The following GRIN2C variants were observed in gnomAD, a reference collection of about 807,000 sequenced individuals.
GRIN2C encodes the protein glutamate receptor ionotropic, NMDA 2C.
GRIN2C carries 64 observed loss-of-function variants against 77.7 expected under a neutral mutation model. The ratio of observed to expected loss-of-function variants is 0.82; its 90% confidence interval spans 0.67 to 1.01. The LOEUF (loss-of-function observed/expected upper bound fraction) is 1.01. Among genes scored for constraint, GRIN2C ranks in the 50% least tolerant of loss-of-function variants. GRIN2C has a pLI of 0.00. For synonymous variants in GRIN2C, 792 were observed against 643.4 expected, an observed-to-expected ratio of 1.23 and a Z score of -3.49; for missense variants, 1,549 against 1,486.0, an observed-to-expected ratio of 1.04 and a Z score of -0.70.
At chr17:74,860,834 C>A, upstream of GRIN2C, 1 of 275,458 alleles carries the variant, frequency 3.6e-6, no homozygotes, top group South Asian at 3.3e-5. Context: ...GGGGAAGAAG[C>A]GGGACTCGCG....
rs1333691299 is a variant in GRIN2C at position 74,852,052 on chromosome 17, T to C, written c.959A>G (p.His320Arg). The part of the protein sequence containing the change: ...LPAPAGDCRV[H>R]PGPVSPAREA... ...CCGGGCAGGGCTGACGGGCCCAGGG[T>C]GAACACGGCAGTCCCCGGCCGGGGC... Residue 320 changes from histidine (H) to arginine (R), a missense_variant, in exon 3 of 13, where the codon CAC becomes CGC. Coordinates refer to ENST00000293190, the MANE Select transcript of GRIN2C (RefSeq NM_000835.6). 2 of 1,460,594 alleles carry C rather than the reference T, an allele frequency of 1.4e-6. No individual in the cohort carries two copies. The highest frequency in any genetic ancestry group is 1.8e-6 in the Non-Finnish European group (2 of 1,105,150). The allele number at this position is 1,460,594 out of a possible 1,614,324, so 90.5% of individuals were successfully genotyped here.
At position 74,850,619 on chromosome 17, in the gene GRIN2C, G is replaced by T. The variant is rs1439752931; in HGVS notation, c.1262C>A (p.Pro421His). The T allele has an allele frequency of 6.2e-7, 1 of 1,613,688 alleles. No individual in the cohort carries two copies. The highest frequency in any genetic ancestry group is 1.1e-5 in the South Asian group (1 of 91,090). ...GTTGGGGACACAGCCTCCTGTGCCA[G>T]GGTCAGGGCTCTCCACGATGACAAA... ...RPFVIVESPD[P>H]GTGGCVPNTV... Residue 421 changes from proline to histidine, a missense_variant, in exon 5 of 13, where the codon CCT (proline) becomes CAT (histidine). By Grantham distance (77) the Pro-to-His change is moderately conservative. Transcript: ENST00000293190. The surrounding 1 kb of genome is among the most constrained non-coding windows in gnomAD (Gnocchi z 5.3).
rs2037589382 is a variant in GRIN2C at position 74,850,151 on chromosome 17, C to CT, written c.1491+54dup. On this transcript the variant is annotated intron_variant, in intron 6 of 12. Transcript: ENST00000293190. The surrounding 1 kb of genome is among the most constrained non-coding windows in gnomAD (Gnocchi z 5.3). ...AGGGCATCTGAGAGCCACATGGGGC[C>CT]TGGGCAGCAGGTGGGCAGGCAGGGC... 28 of 1,589,262 alleles carry CT rather than the reference C, an allele frequency of 1.8e-5. No individual in the cohort carries two copies. The South Asian group carries it at 3.0e-4, about 17-fold the overall frequency.
Position 74,847,565 on chromosome 17 carries a change from G to T in GRIN2C, c.1772-28C>A. On this transcript the variant is annotated intron_variant, in intron 8 of 12. Transcript: ENST00000293190. The surrounding 1 kb of genome is among the most constrained non-coding windows in gnomAD (Gnocchi z 5.2). ...GGGGGCAAGAGGCGGGGGGATGCTGGAGCTCCTCCTGCCCACCATGAAAGG... is the reference window on the plus strand; with the variant it reads ...GGGGGCAAGAGGCGGGGGGATGCTGTAGCTCCTCCTGCCCACCATGAAAGG... 6.7e-7 allele frequency: 1 copy of T among 1,492,472 alleles called. No individual in the cohort carries two copies. The allele number at this position is 1,492,472 out of a possible 1,614,324, so 92.5% of individuals were successfully genotyped here.
At position 74,846,356 on chromosome 17, in the gene GRIN2C, C is replaced by T. The variant is rs558215192; in HGVS notation, c.2163-103G>A. On this transcript the variant is annotated intron_variant, in intron 10 of 12. Coordinates refer to ENST00000293190, the MANE Select transcript of GRIN2C (RefSeq NM_000835.6). The surrounding 1 kb of genome is among the most constrained non-coding windows in gnomAD (Gnocchi z 4.4). The stretch of plus-strand genomic sequence containing the variant: ...CTAAACCACATGAGCCTGCTGGGCA[C>T]CCCCGGGAGGGACCAATGGGCAGAG... 2.1e-5 allele frequency: 21 copies of T among 985,424 alleles called. No individual in the cohort carries two copies. The highest frequency in any genetic ancestry group is 2.2e-5 in the Non-Finnish European group (14 of 647,352). The allele number at this position is 985,424 out of a possible 1,614,324, so 61.0% of individuals were successfully genotyped here. A position where few individuals can be genotyped will look rare whatever the true frequency, so the allele number is the denominator to read the frequency against.
Position 74,843,016 on chromosome 17 carries a change from G to A in GRIN2C, c.3121C>T (p.Pro1041Ser). 2.0e-6 allele frequency: 1 copy of A among 501,224 alleles called. No individual in the cohort carries two copies. Among genetic ancestry groups the A allele is most frequent in the Non-Finnish European group, 3.6e-6 (1 of 281,676 alleles). The allele number at this position is 501,224 out of a possible 1,614,324, so 31.0% of individuals were successfully genotyped here. ...SFPRADRSGR[P>S]FLPLFPELED... is the part of the protein sequence containing the mutation. ...AGCTCCGGGAAGAGCGGGAGGAAGGGGCGGCCGGATCGGTCGGCTCGAGGA... is the reference window on the plus strand; with the variant it reads ...AGCTCCGGGAAGAGCGGGAGGAAGGAGCGGCCGGATCGGTCGGCTCGAGGA... Residue 1041 changes from proline (P) to serine (S), a missense_variant, in exon 13 of 13, where the codon CCC becomes TCC. Around this residue, in one of 3 missense-constraint regions of GRIN2C, gnomAD observed 450 missense variants for 267.9 expected, o/e 1.68. Coordinates refer to ENST00000293190, the MANE Select transcript of GRIN2C (RefSeq NM_000835.6).
chr17:74,847,843 A>C lies in GRIN2C; in HGVS notation c.1771+9T>G. ...CCCACCCCTCCTGCCGGGCCCAGGCAAGGCTTACTCTTGCCTCTGGTGAGG... is the reference window on the plus strand; with the variant it reads ...CCCACCCCTCCTGCCGGGCCCAGGCCAGGCTTACTCTTGCCTCTGGTGAGG... On this transcript the variant is annotated intron_variant, in intron 8 of 12. Coordinates refer to ENST00000293190, the MANE Select transcript of GRIN2C (RefSeq NM_000835.6). The surrounding 1 kb of genome is among the most constrained non-coding windows in gnomAD (Gnocchi z 5.2). 2 of 1,613,968 alleles carry C rather than the reference A, an allele frequency of 1.2e-6. No homozygotes were observed. Among genetic ancestry groups the C allele is most frequent in the Non-Finnish European group, 1.7e-6 (2 of 1,179,942 alleles).
chr17:74,849,672 C>T lies in GRIN2C; in HGVS notation c.1645+108G>A. On this transcript the variant is annotated intron_variant, in intron 7 of 12. Coordinates refer to ENST00000293190, the MANE Select transcript of GRIN2C (RefSeq NM_000835.6). The surrounding 1 kb of genome is among the most constrained non-coding windows in gnomAD (Gnocchi z 4.6). The stretch of plus-strand genomic sequence containing the variant: ...ACCTCCAAGACCCAAGGCTGCTGTG[C>T]TTGGCCTGTGAGAGCCCACCCAACT... 1 of 1,022,434 alleles carries T rather than the reference C, an allele frequency of 9.8e-7. No individual in the cohort carries two copies. The highest frequency in any genetic ancestry group is 1.4e-6 in the Non-Finnish European group (1 of 691,588). 63.3% of individuals were successfully genotyped at this position (1,022,434 alleles called of 1,614,324 possible).
At position 74,842,990 on chromosome 17, in the gene GRIN2C, C is replaced by A; in HGVS notation, c.3147G>T (p.Leu1049=). ...CCGGACCGAGCAGCGGCAGGTCCTC[C>A]AGCTCCGGGAAGAGCGGGAGGAAGG... is the stretch of plus-strand genomic sequence containing the variant. ...GRPFLPLFPE[L]EDLPLLGPEQ... is the part of the protein sequence containing the mutation. Residue 1049 remains leucine (L), a synonymous_variant, in exon 13 of 13, where the codon CTG becomes CTT. Coordinates refer to ENST00000293190, the MANE Select transcript of GRIN2C (RefSeq NM_000835.6). 6.9e-6 allele frequency: 2 copies of A among 291,400 alleles called. No individual in the cohort carries two copies. Among genetic ancestry groups the A allele is most frequent in the Non-Finnish European group, 6.0e-6 (1 of 166,370 alleles). The allele number at this position is 291,400 out of a possible 1,614,324, so 18.1% of individuals were successfully genotyped here.
Position 74,850,570 on chromosome 17 carries a change from G to T in GRIN2C, c.1311C>A (p.Ser437Arg), listed in dbSNP as rs770902141. The stretch of plus-strand genomic sequence containing the variant: ...CCTCCACAGACCTGAAGGTGTGGTT[G>T]CTCTGCCTGCGGCAGGGCACGGTGT... ...VPNTVPCRRQ[S>R]NHTFSSGDVA... is the part of the protein sequence containing the mutation. The change falls in exon 5 of 13, where the codon AGC (serine) becomes AGA (arginine). Residue 437 changes from serine to arginine, a missense_variant. By Grantham distance (110) the Ser-to-Arg change is moderately radical. Around this residue, in one of 3 missense-constraint regions of GRIN2C, gnomAD observed 717 missense variants for 858.1 expected, o/e 0.84. Transcript: ENST00000293190. This position sits in a 1 kb window ranked among gnomAD's most constrained non-coding sequence, Gnocchi z 5.3. The T allele has an allele frequency of 1.2e-6, 2 of 1,613,586 alleles. No individual in the cohort carries two copies. Among genetic ancestry groups the T allele is most frequent in the Non-Finnish European group, 8.5e-7 (1 of 1,179,970 alleles).
intron 3 of GRIN2C, 117 bp downstream of exon 3, chr17:74,851,896 G>T: frequency 1.3e-6 from 1 of 781,536 alleles, no homozygotes; most frequent in Non-Finnish European, 2.0e-6. Flanking sequence ...GTGGGGTAAT[G>T]TGGCCCCAGG....
chr17:74,845,262 T>C (rs976902540), intron 11 of GRIN2C, among the ~76,000 whole-genome samples: 28 of 20,132 alleles, frequency 1.4e-3, no homozygotes, highest in Non-Finnish European at 1.9e-3. Flanking sequence ...AGAAATCAGA[T>C]TTTTTTTTTT....
chr17:74,849,446 T>TC lies in GRIN2C; in HGVS notation c.1645+333dup, dbSNP rs1411114741. ...TCGCACACTACACTCGCTCCTCAAC[T>TC]CCCCACGGGCCTCCCCCACTCGTTC... On this transcript the variant is annotated intron_variant, in intron 7 of 12. Coordinates refer to ENST00000293190, the MANE Select transcript of GRIN2C (RefSeq NM_000835.6). This position sits in a 1 kb window ranked among gnomAD's most constrained non-coding sequence, Gnocchi z 4.6. 2.0e-5 allele frequency among the ~76,000 whole-genome samples: 3 copies of TC among 151,560 alleles called. No homozygotes were observed. Among genetic ancestry groups the TC allele is most frequent in the Non-Finnish European group, 4.4e-5 (3 of 67,904 alleles).
intron 3 of GRIN2C, 69 bp from the exon 4 acceptor site, chr17:74,851,760 G>A (rs11575878): frequency 0.067 from 62,230 of 927,370 alleles, 2,356 homozygotes; most frequent in Non-Finnish European, 0.081. Context: ...CCTCACCGCC[G>A]CCACCGACAG....
chr17:74,852,154 C>A lies in GRIN2C; in HGVS notation c.857G>T (p.Arg286Leu). Residue 286 changes from arginine (R) to leucine (L), a missense_variant, in exon 3 of 13, where the codon CGC becomes CTC. Coordinates refer to ENST00000293190, the MANE Select transcript of GRIN2C (RefSeq NM_000835.6). ...VVTESWRLSL[R>L]QKVRDGVAIL... The stretch of plus-strand genomic sequence containing the variant: ...GGCCACGCCGTCGCGCACCTTCTGG[C>A]GCAGGCTGAGGCGCCAGCTCTCGGT... 1 of 1,453,406 alleles carries A rather than the reference C, an allele frequency of 6.9e-7. No individual in the cohort carries two copies. The highest frequency in any genetic ancestry group is 1.9e-4 in the Middle Eastern group (1 of 5,288). The allele number at this position is 1,453,406 out of a possible 1,614,324, so 90.0% of individuals were successfully genotyped here.
chr17:74,852,134 C>A lies in GRIN2C; in HGVS notation c.877G>T (p.Val293Leu). 6.9e-7 allele frequency: 1 copy of A among 1,453,428 alleles called. No homozygotes were observed. Among genetic ancestry groups the A allele is most frequent in the Non-Finnish European group, 9.1e-7 (1 of 1,102,962 alleles). 90.0% of individuals were successfully genotyped at this position (1,453,428 alleles called of 1,614,324 possible). A position where few individuals can be genotyped will look rare whatever the true frequency, so the allele number is the denominator to read the frequency against. ...LSLRQKVRDG[V>L]AILALGAHSY... ...TGGGCGCCCAGGGCCAGAATGGCCA[C>A]GCCGTCGCGCACCTTCTGGCGCAGG... Residue 293 changes from valine (V) to leucine (L), a missense_variant, in exon 3 of 13, where the codon GTG (valine) becomes TTG (leucine). By Grantham distance (32) the Val-to-Leu change is conservative. Transcript: ENST00000293190.
chr17:74,845,261 A>ATTTT (rs34846249), intron 11 of GRIN2C, among the ~76,000 whole-genome samples: 2 of 97,648 alleles, frequency 2.0e-5, no homozygotes, highest in African/African-American at 8.0e-5. Flanking sequence ...GAGAAATCAG[A>ATTTT]TTTTTTTTTT....
intron 1 of GRIN2C, among the ~76,000 whole-genome samples, chr17:74,855,598 G>C (rs1259124436): frequency 6.6e-6 from 1 of 152,226 alleles, no homozygotes; most frequent in Non-Finnish European, 1.5e-5. Flanking sequence ...ACTTAGATGA[G>C]CTAACAGGCT....
chr17:74,852,649 G>T (rs1443173955), intron 2 of GRIN2C, 38 bp from the exon 3 acceptor site: 5 of 967,466 alleles, frequency 5.2e-6, no homozygotes, highest in East Asian at 3.3e-5. Context: ...CGGGAGGGCC[G>T]AGCCCCTCCT....
Sources: gnomAD v4.1 joint callset for allele counts (sites outside exome capture counted in the v4.1 genomes callset) on GRCh38, gnomAD v4.1.1 for gene constraint, gnomAD v4.1.1 regional missense constraint, Gnocchi (gnomAD v3.1) non-coding constraint, MANE v1.5 for transcripts, NCBI Gene and HGNC (gene_info 2026-07-23, HGNC 2026-07-21) for gene names.